The following CHM variants were observed in gnomAD, a reference collection of about 807,000 sequenced individuals.
CHM encodes rab proteins geranylgeranyltransferase component A 1.
A neutral mutation model predicts 49.0 loss-of-function variants in CHM; 10 were observed. The observed-to-expected ratio is 0.20, with a 90% CI of 0.13 to 0.35. The LOEUF is 0.35. CHM is among the 10% of genes least tolerant of loss of function. The pLI, the probability that CHM is intolerant of heterozygous loss-of-function variation, is 1.00. For missense variants in CHM, 455 were observed against 478.4 expected (o/e 0.95, Z 0.46); for synonymous variants, 184 against 167.5 (o/e 1.10, Z -0.76).
chrX:85,894,095 A>G, intron 12 of CHM, 93 bp downstream of exon 12: 1 of 639,608 alleles, frequency 1.6e-6, no homozygotes, highest in Non-Finnish European at 2.5e-6. Flanking sequence ...AAGTAAGAAA[A>G]TCTCTACAAA....
intron 8 of CHM, among the ~76,000 whole-genome samples, chrX:85,920,935 T>G (rs1302941108): frequency 8.9e-6 from 1 of 112,248 alleles, no homozygotes; most frequent in African/African-American, 3.2e-5. Context: ...ATCCCTCAAC[T>G]TCTACACATT....
intron 11 of CHM, among the ~76,000 whole-genome samples, chrX:85,895,685 T>C (rs1392931862): frequency 8.9e-6 from 1 of 111,970 alleles, no homozygotes; most frequent in Admixed American, 9.5e-5. Flanking sequence ...ACTATCCTAC[T>C]TTTATGTGCA....
chrX:85,916,439 C>T (rs1049532965), intron 8 of CHM, among the ~76,000 whole-genome samples: 2 of 112,120 alleles, frequency 1.8e-5, no homozygotes, highest in African/African-American at 6.5e-5. Context: ...TCAACAAAAG[C>T]AAACATTGAA....
chrX:85,974,352 T>A (rs1416044082), intron 4 of CHM, among the ~76,000 whole-genome samples: 1 of 111,773 alleles, frequency 8.9e-6, no homozygotes, highest in Non-Finnish European at 1.9e-5. Context: ...GTAATTGTTA[T>A]CAAAATCTCA....
chrX:85,972,523 C>G lies in CHM; in HGVS notation c.314+6244G>C, dbSNP rs1047087734. ...GCCCCGTGGGAAGGCAGCTAAGGCC[C>G]GGTGAGAAATTGACCACAGCGCCGG... On this transcript the variant is annotated intron_variant, in intron 4 of 14. Transcript: ENST00000357749. 2.6e-5 allele frequency among the ~76,000 whole-genome samples: 3 copies of G among 113,259 alleles called. No individual in the cohort carries two copies. In the Admixed American group the frequency reaches 2.8e-4, roughly 10 times the overall value.
intron 5 of CHM, among the ~76,000 whole-genome samples, chrX:85,962,637 A>G (rs1040156309): frequency 2.7e-5 from 3 of 111,703 alleles, no homozygotes; most frequent in African/African-American, 9.8e-5. Flanking sequence ...GTCTTGTGCT[A>G]TTCACTATCC....
intron 8 of CHM, among the ~76,000 whole-genome samples, chrX:85,933,065 C>A (rs1481312655): frequency 9.0e-6 from 1 of 110,735 alleles, no homozygotes; most frequent in East Asian, 2.8e-4. Context: ...AAACTCAAAG[C>A]CAGGCACAGT....
At chrX:86,012,482 T>C (rs949174680) in intron 2 of CHM, among the ~76,000 whole-genome samples, 6 of 111,441 alleles carry the variant, frequency 5.4e-5, no homozygotes, top group African/African-American at 1.6e-4. Context: ...TCTTTCAACT[T>C]TTATAAGTAA....
intron 2 of CHM, among the ~76,000 whole-genome samples, chrX:86,017,406 G>A (rs1933348300): frequency 9.0e-6 from 1 of 111,523 alleles, no homozygotes; most frequent in Non-Finnish European, 1.9e-5. Flanking sequence ...ATATGTTGTG[G>A]GAGGGACCCA....
intron 11 of CHM, among the ~76,000 whole-genome samples, chrX:85,896,991 TATTA>T (rs1193087219): frequency 3.2e-5 from 3 of 95,014 alleles, no homozygotes; most frequent in East Asian, 6.2e-4. Flanking sequence ...ATATACTATA[TATTA>T]ATTATATAAT....
At chrX:86,008,805 G>A (rs1180261607) in intron 2 of CHM, among the ~76,000 whole-genome samples, 6 of 112,060 alleles carry the variant, frequency 5.4e-5, no homozygotes, top group Admixed American at 1.9e-4. Context: ...GAATGGACAT[G>A]TCTGTTTTCC....
chrX:85,997,416 AATTAT>A, intron 2 of CHM, among the ~76,000 whole-genome samples: 1 of 111,813 alleles, frequency 8.9e-6, no homozygotes, highest in East Asian at 2.8e-4. Context: ...ACTGCTTTCT[AATTAT>A]ATTATAATTT....
At chrX:86,042,748 A>G (rs1250260686) in intron 1 of CHM, among the ~76,000 whole-genome samples, 3 of 110,284 alleles carry the variant, frequency 2.7e-5, no homozygotes, top group Non-Finnish European at 5.7e-5. Context: ...GCTTGGGCCC[A>G]GGAGGTTAAG....
chrX:85,890,705 G>A (rs1925388243), intron 12 of CHM, among the ~76,000 whole-genome samples: 2 of 111,824 alleles, frequency 1.8e-5, no homozygotes, highest in Non-Finnish European at 3.8e-5. Context: ...TTTCGGGTAT[G>A]TCTTTATCAG....
rs141192594 is a variant in CHM, at chrX:85,956,329, G to C, written c.990C>G (p.Thr330=). 1 of 1,209,163 alleles carries C rather than the reference G, an allele frequency of 8.3e-7. No individual in the cohort carries two copies. The highest frequency in any genetic ancestry group is 1.1e-6 in the Non-Finnish European group (1 of 894,936). Residue 330 remains threonine (T), a synonymous_variant, in exon 8 of 15, where the codon ACC becomes ACG. Transcript: ENST00000357749. ...FYEYLKTQKL[T]PNLQYIVMHS... is the part of the protein sequence containing the mutation. ...GCATGACAATATATTGGAGGTTGGG[G>C]GTTAATTTTTGAGTCTTTAAATATT...
intron 2 of CHM, among the ~76,000 whole-genome samples, chrX:86,000,513 C>CAAAAAA (rs754600557): frequency 4.4e-4 from 26 of 58,755 alleles, no homozygotes; most frequent in Admixed American, 1.0e-3. Flanking sequence ...GGAATATATT[C>CAAAAAA]AAAAAAAAAA....
chrX:85,904,849 T>C (rs1033689912), intron 9 of CHM, among the ~76,000 whole-genome samples: 6 of 112,035 alleles, frequency 5.4e-5, no homozygotes, highest in African/African-American at 1.9e-4. Context: ...ATATTTGTAA[T>C]TGTCTATTAT....
intron 5 of CHM, among the ~76,000 whole-genome samples, chrX:85,961,943 T>C (rs1208765020): frequency 8.9e-6 from 1 of 111,929 alleles, no homozygotes; most frequent in Non-Finnish European, 1.9e-5. Context: ...CATTTTCTTA[T>C]ACAACTGAAT....
chrX:85,957,341 T>G (rs911975594), intron 7 of CHM, among the ~76,000 whole-genome samples: 1 of 111,273 alleles, frequency 9.0e-6, no homozygotes, highest in Non-Finnish European at 1.9e-5. Flanking sequence ...AAGCCAAGAA[T>G]AGAAACCATG....
Sources: gnomAD v4.1 joint callset for allele counts (sites outside exome capture counted in the v4.1 genomes callset) on GRCh38, gnomAD v4.1.1 for gene constraint, MANE v1.5 for transcripts, NCBI Gene and HGNC (gene_info 2026-07-23, HGNC 2026-07-21) for gene names.